The following PRAG1 variants were observed in gnomAD, a reference collection of about 807,000 sequenced individuals.
PRAG1 encodes inactive tyrosine-protein kinase PRAG1.
Under a neutral mutation model 95.6 loss-of-function variants are expected in PRAG1, and 110 were observed. The observed-to-expected ratio is 1.15, with a 90% confidence interval of 0.99 to 1.35. The LOEUF is 1.35. Ranked by LOEUF, PRAG1 falls within the 40% of genes most tolerant of loss-of-function variation. The pLI is 0.00. For missense variants in PRAG1, 2,554 were observed against 1,864.7 expected, an observed-to-expected ratio of 1.37 and a Z score of -6.81; for synonymous variants, 1,052 against 819.4, an observed-to-expected ratio of 1.28 and a Z score of -4.85.
At chr8:8,352,323 G>T (rs974593574) in intron 3 of PRAG1, among the ~76,000 whole-genome samples, 2 of 152,140 alleles carry the variant, frequency 1.3e-5, no homozygotes, top group Non-Finnish European at 2.9e-5. Flanking sequence ...TTCAGACTCA[G>T]TTGACCTCCC....
intron 3 of PRAG1, among the ~76,000 whole-genome samples, chr8:8,374,375 T>A (rs1800310960): frequency 6.6e-6 from 1 of 152,204 alleles, no homozygotes; most frequent in Admixed American, 6.5e-5. Context: ...GGCAGGCAGA[T>A]ACAATTTGGA....
At chr8:8,349,266 C>CTATCTATTTATTTATTTATTTATT (rs538351197) in intron 3 of PRAG1, among the ~76,000 whole-genome samples, 6 of 149,350 alleles carry the variant, frequency 4.0e-5, no homozygotes, top group African/African-American at 1.5e-4. Flanking sequence ...ATCTATCTAT[C>CTATCTATTTATTTATTTATTTATT]TATTTATTTA....
At chr8:8,342,195 A>AT (rs1407544785) in intron 3 of PRAG1, among the ~76,000 whole-genome samples, 1,571 of 139,524 alleles carry the variant, frequency 0.011, 12 homozygotes, top group East Asian at 0.022. Flanking sequence ...ATCTCATGTA[A>AT]TTTTTTTTTT....
At chr8:8,333,934 C>G (rs112443029) in intron 4 of PRAG1, among the ~76,000 whole-genome samples, 4 of 152,332 alleles carry the variant, frequency 2.6e-5, no homozygotes, top group African/African-American at 9.6e-5. Context: ...GCCATCTGCA[C>G]GGGCACCTTG....
intron 4 of PRAG1, among the ~76,000 whole-genome samples, chr8:8,328,971 G>T (rs1489754592): frequency 6.6e-6 from 1 of 152,052 alleles, no homozygotes; most frequent in Non-Finnish European, 1.5e-5. Flanking sequence ...CTTTTTGATG[G>T]ACACTTAAAT....
chr8:8,367,246 G>T (rs893382825), intron 3 of PRAG1, among the ~76,000 whole-genome samples: 1 of 151,720 alleles, frequency 6.6e-6, no homozygotes, highest in African/African-American at 2.4e-5. Flanking sequence ...ATCACATGAG[G>T]TCAGGAGTTC....
At chr8:8,327,389 G>C (rs1798666219) in intron 5 of PRAG1, among the ~76,000 whole-genome samples, 1 of 152,096 alleles carries the variant, frequency 6.6e-6, no homozygotes, top group East Asian at 1.9e-4. Context: ...GGCCAATATG[G>C]CAAAACCCCA....
chr8:8,339,498 G>C lies in PRAG1; in HGVS notation c.2300C>G (p.Ser767Cys). The C allele has an allele frequency of 1.2e-6, 2 of 1,614,142 alleles. No homozygotes were observed. Among genetic ancestry groups the C allele is most frequent in the Non-Finnish European group, 1.7e-6 (2 of 1,180,030 alleles). Residue 767 changes from serine (S) to cysteine (C), a missense_variant, in exon 4 of 6, where the codon TCT becomes TGT. Transcript: ENST00000615670. ...GTTACCTCCATCGCTGCAGGTCCTA[G>C]AGTCTGAGGCCAGGCTGTCCGTGGA... ...TGSTDSLASD[S>C]RTCSDGGPSS...
chr8:8,381,919 C>G (rs1375010092), intron 1 of PRAG1, 85 bp from the exon 2 acceptor site: 2 of 564,900 alleles, frequency 3.5e-6, no homozygotes, highest in East Asian at 5.9e-5. Context: ...ACTATTTGAT[C>G]AGGGAGAAGG....
At chr8:8,372,832 A>T (rs1310226919) in intron 3 of PRAG1, among the ~76,000 whole-genome samples, 1 of 152,198 alleles carries the variant, frequency 6.6e-6, no homozygotes, top group Non-Finnish European at 1.5e-5. Flanking sequence ...TAGGGCGATA[A>T]ACAGAACAAC....
rs951393582 is a variant in PRAG1, at chr8:8,378,249, G to A, written c.331-171C>T. Among the ~76,000 whole-genome samples the A allele has an allele frequency of 3.9e-5, 6 of 152,178 alleles. 1 individual carries two copies. Among genetic ancestry groups the A allele is most frequent in the South Asian group, 4.1e-4 (2 of 4,830 alleles). ...CACGCCCACCTTCTCATCTCCCCAC[G>A]GCCCTGTGATCATTGCTGGGGCACC... On this transcript the variant is annotated intron_variant, in intron 2 of 5. Transcript: ENST00000615670.
At chr8:8,328,542 T>TGGACCCAAA (rs377319192) in intron 4 of PRAG1, 81 bp from the exon 5 acceptor site, 209,043 of 1,416,310 alleles carry the variant, frequency 0.15, 17,244 homozygotes, top group East Asian at 0.31. Context: ...TTCCCTTTAT[T>TGGACCCAAA]TATTTATTTA....
intron 3 of PRAG1, among the ~76,000 whole-genome samples, chr8:8,375,299 G>A (rs914641299): frequency 1.3e-5 from 2 of 151,894 alleles, no homozygotes; most frequent in African/African-American, 4.8e-5. Flanking sequence ...CACCTCCCGG[G>A]TTCACGCCAT....
intron 2 of PRAG1, among the ~76,000 whole-genome samples, chr8:8,380,285 A>G (rs990369800): frequency 1.3e-5 from 2 of 151,488 alleles, no homozygotes; most frequent in African/African-American, 4.9e-5. Flanking sequence ...AAAAATAAAT[A>G]AATAAAATAA....
chr8:8,319,574 T>G (rs1439525116), intron 5 of PRAG1, among the ~76,000 whole-genome samples: 1 of 152,164 alleles, frequency 6.6e-6, no homozygotes, highest in Non-Finnish European at 1.5e-5. Flanking sequence ...CTTTTGTGCT[T>G]CAAAAGACAC....
chr8:8,333,344 C>G (rs184941000), intron 4 of PRAG1, among the ~76,000 whole-genome samples: 1 of 152,166 alleles, frequency 6.6e-6, no homozygotes, highest in African/African-American at 2.4e-5. Flanking sequence ...GAGTACAACA[C>G]GCTCCATGCC....
intron 3 of PRAG1, among the ~76,000 whole-genome samples, chr8:8,373,441 T>C (rs1271426524): frequency 6.6e-6 from 1 of 150,814 alleles, no homozygotes; most frequent in African/African-American, 2.5e-5. Context: ...CTTAAGCTAA[T>C]TTTATTTTCT....
chr8:8,366,146 A>G (rs1799997286), intron 3 of PRAG1, among the ~76,000 whole-genome samples: 1 of 152,186 alleles, frequency 6.6e-6, no homozygotes, highest in Non-Finnish European at 1.5e-5. Flanking sequence ...GCAGAGTTCC[A>G]CAAATGGTTA....
At chr8:8,339,008 A>G (rs1799079637) in intron 4 of PRAG1, among the ~76,000 whole-genome samples, 1 of 152,196 alleles carries the variant, frequency 6.6e-6, no homozygotes, top group Non-Finnish European at 1.5e-5. Context: ...GGCCTAATGT[A>G]GTCTTCATGC....
Sources: gnomAD v4.1 joint callset for allele counts (sites outside exome capture counted in the v4.1 genomes callset) on GRCh38, gnomAD v4.1.1 for gene constraint, MANE v1.5 for transcripts, NCBI Gene and HGNC (gene_info 2026-07-23, HGNC 2026-07-21) for gene names.